The following RHEB variants were observed in gnomAD, a reference collection of about 807,000 sequenced individuals.
RHEB encodes the protein GTP-binding protein Rheb.
RHEB carries 2 observed loss-of-function variants against 28.8 expected under a neutral mutation model. The observed-to-expected ratio is 0.07, with a 90% CI of 0.03 to 0.22. RHEB has a LOEUF of 0.22. RHEB is among the 10% of genes least tolerant of loss of function. RHEB has a pLI of 1.00. For synonymous variants in RHEB, 69 were observed against 77.3 expected (o/e 0.89, Z 0.56); for missense variants, 76 against 219.9 (o/e 0.35, Z 4.14).
Position 151,519,787 on chromosome 7 carries a change from T to C in RHEB, c.-276A>G, listed in dbSNP as rs1803152278. ...GGCCCGCCGCCTCCGCCCCCCGAAA[T>C]ACGCGGGGGGTGCGTCGGGGCGACG... On this transcript the variant is annotated 5_prime_UTR_variant, in exon 1 of 8. Transcript: ENST00000262187. 1 of 311,940 alleles carries C rather than the reference T, an allele frequency of 3.2e-6. No individual in the cohort carries two copies. The highest frequency in any genetic ancestry group is 5.9e-6 in the Non-Finnish European group (1 of 170,662). 19.3% of individuals were successfully genotyped at this position (311,940 alleles called of 1,614,324 possible).
chr7:151,473,735 C>A (rs1440995232), intron 4 of RHEB, among the ~76,000 whole-genome samples: 3 of 151,228 alleles, frequency 2.0e-5, no homozygotes, highest in African/African-American at 7.3e-5. Flanking sequence ...TTAAAACAGC[C>A]CCATTTGTTC....
chr7:151,511,099 A>T (rs1278604477), intron 1 of RHEB, among the ~76,000 whole-genome samples: 1 of 152,142 alleles, frequency 6.6e-6, no homozygotes, highest in African/African-American at 2.4e-5. Context: ...AATAAAAAAA[A>T]AAATAAAGCT....
chr7:151,477,120 TAAGA>T (rs1338223982), intron 4 of RHEB, among the ~76,000 whole-genome samples: 3 of 152,064 alleles, frequency 2.0e-5, no homozygotes, highest in Non-Finnish European at 4.4e-5. Context: ...TAGCTTGAGG[TAAGA>T]AAGAGCCTTT....
intron 2 of RHEB, among the ~76,000 whole-genome samples, chr7:151,485,130 C>T (rs1802446385): frequency 1.3e-5 from 2 of 152,286 alleles, no homozygotes; most frequent in South Asian, 2.1e-4. Context: ...GTGAAATATA[C>T]TACGTAAAGT....
At chr7:151,503,035 A>G in intron 1 of RHEB, 4 of 786,088 alleles carry the variant, frequency 5.1e-6, no homozygotes, top group South Asian at 1.3e-5. Flanking sequence ...ACTTTGATGA[A>G]ATCACCCAGG....
intron 1 of RHEB, among the ~76,000 whole-genome samples, chr7:151,495,592 G>A (rs974025090): frequency 1.3e-5 from 2 of 152,124 alleles, no homozygotes; most frequent in Non-Finnish European, 2.9e-5. Context: ...AATAGGCACT[G>A]TTTACAGAAT....
At chr7:151,478,169 G>T (rs1802304043) in intron 3 of RHEB, among the ~76,000 whole-genome samples, 1 of 152,150 alleles carries the variant, frequency 6.6e-6, no homozygotes, top group African/African-American at 2.4e-5. Flanking sequence ...TGTCAGTGCA[G>T]TTTTCAACAG....
In RHEB at chr7:151,471,065, G is replaced by A. The variant is rs77129549; in HGVS notation, c.380+329C>T. ...CTCTGACATGAAGCTGCCTGGGCAG[G>A]GGACATCTGCCTCCTTTGCTCCTCA... On this transcript the variant is annotated intron_variant, in intron 6 of 7. Coordinates refer to ENST00000262187, the MANE Select transcript of RHEB (RefSeq NM_005614.4). 8.8e-3 allele frequency among the ~76,000 whole-genome samples: 1,345 copies of A among 152,328 alleles called. 23 individuals are homozygous for A. Among genetic ancestry groups the A allele is most frequent in the African/African-American group, 0.03 (1,257 of 41,568 alleles).
intron 1 of RHEB, among the ~76,000 whole-genome samples, chr7:151,510,576 A>C (rs997206939): frequency 1.3e-5 from 2 of 152,228 alleles, no homozygotes; most frequent in Non-Finnish European, 2.9e-5. Flanking sequence ...ACTAGACTGA[A>C]GCTCCTTGAG....
At chr7:151,484,168 C>G (rs1364757179) in intron 3 of RHEB, among the ~76,000 whole-genome samples, 1 of 152,154 alleles carries the variant, frequency 6.6e-6, no homozygotes, top group East Asian at 1.9e-4. Flanking sequence ...ATTAAATCAG[C>G]TAATTTCTGC....
chr7:151,505,069 T>C (rs1444731696), intron 1 of RHEB, among the ~76,000 whole-genome samples: 1 of 147,478 alleles, frequency 6.8e-6, no homozygotes, highest in Non-Finnish European at 1.5e-5. Flanking sequence ...AAAACAAAAC[T>C]TTCTCAAGTC....
In RHEB at chr7:151,491,010, T is replaced by C; in HGVS notation, c.57A>G (p.Lys19=). The C allele has an allele frequency of 6.2e-7, 1 of 1,610,910 alleles. No homozygotes were observed. Among genetic ancestry groups the C allele is most frequent in the Non-Finnish European group, 8.5e-7 (1 of 1,178,528 alleles). The change falls in exon 2 of 8, where the codon AAA becomes AAG. Residue 19 remains lysine, a synonymous_variant. Coordinates refer to ENST00000262187, the MANE Select transcript of RHEB (RefSeq NM_005614.4). The part of the protein sequence containing the change: ...IAILGYRSVG[K]SSLTIQFVEG... ...CAACAAATTGAATCGTCAATGAGGA[T>C]TTCCCTATAAAAGAGAACAAGAGCT...
At chr7:151,487,584 C>A (rs1802502485) in intron 2 of RHEB, among the ~76,000 whole-genome samples, 1 of 151,938 alleles carries the variant, frequency 6.6e-6, no homozygotes, top group Admixed American at 6.6e-5. Context: ...TGTAACTTGT[C>A]CTACTTGTAG....
chr7:151,475,957 T>C (rs1434102854), intron 4 of RHEB, among the ~76,000 whole-genome samples: 1 of 152,144 alleles, frequency 6.6e-6, no homozygotes, highest in Non-Finnish European at 1.5e-5. Context: ...TATACCAAGA[T>C]ATTAACAGTA....
intron 3 of RHEB, 113 bp from the exon 4 acceptor site, chr7:151,477,528 T>G (rs1415856235): frequency 1.6e-6 from 1 of 640,478 alleles, no homozygotes; most frequent in Non-Finnish European, 2.7e-6. Flanking sequence ...CAGAGTGGAT[T>G]ACAATATTAT....
At chr7:151,510,465 T>C (rs1390025631) in intron 1 of RHEB, among the ~76,000 whole-genome samples, 1 of 152,218 alleles carries the variant, frequency 6.6e-6, no homozygotes, top group Admixed American at 6.5e-5. Flanking sequence ...TTAAAGGCTA[T>C]TAATACATGT....
intron 2 of RHEB, among the ~76,000 whole-genome samples, chr7:151,490,195 T>C (rs2150928948): frequency 6.6e-6 from 1 of 152,300 alleles, no homozygotes; most frequent in East Asian, 1.9e-4. Context: ...TCCAGCCACC[T>C]GGGAGGCTGA....
At chr7:151,500,446 C>T (rs1406545446) in intron 1 of RHEB, among the ~76,000 whole-genome samples, 1 of 152,110 alleles carries the variant, frequency 6.6e-6, no homozygotes, top group Non-Finnish European at 1.5e-5. Flanking sequence ...GAAGAAAATG[C>T]ACACTCCCAA....
chr7:151,486,928 T>C (rs1330436807), intron 2 of RHEB, among the ~76,000 whole-genome samples: 1 of 152,140 alleles, frequency 6.6e-6, no homozygotes, highest in East Asian at 1.9e-4. Flanking sequence ...GGAAGAATAC[T>C]AGGGATAGGA....
Sources: gnomAD v4.1 joint callset for allele counts (sites outside exome capture counted in the v4.1 genomes callset) on GRCh38, gnomAD v4.1.1 for gene constraint, MANE v1.5 for transcripts, NCBI Gene and HGNC (gene_info 2026-07-23, HGNC 2026-07-21) for gene names.